The following LTF variants were observed in gnomAD, a reference collection of about 807,000 sequenced individuals.
LTF encodes the protein lactotransferrin.
A neutral mutation model predicts 87.2 loss-of-function variants in LTF; 91 were observed. That is an observed-to-expected ratio of 1.04 (90% CI 0.88 to 1.24). The LOEUF (loss-of-function observed/expected upper bound fraction) is 1.24, where lower values mean the gene tolerates loss of function less well. LTF is among the 50% of genes most tolerant of loss of function. The pLI is 0.00. For missense variants in LTF, 901 were observed against 904.3 expected, an observed-to-expected ratio of 1.00 and a Z score of 0.05; for synonymous variants, 378 against 356.1, an observed-to-expected ratio of 1.06 and a Z score of -0.69.
intron 1 of LTF, among the ~76,000 whole-genome samples, 189 bp from the exon 2 acceptor site, chr3:46,460,008 T>C (rs1284120979): frequency 6.6e-6 from 1 of 152,216 alleles, no homozygotes; most frequent in Non-Finnish European, 1.5e-5. Context: ...ATCTCTGCAT[T>C]GGCTAGAGGT....
At chr3:46,467,786 A>G (rs945884519), upstream of LTF, among the ~76,000 whole-genome samples, 4 of 151,700 alleles carry the variant, frequency 2.6e-5, no homozygotes, top group Non-Finnish European at 4.4e-5. Flanking sequence ...AAAGTGCTGG[A>G]ATTACAGGCA....
chr3:46,444,639 C>T (rs575518972), intron 12 of LTF, among the ~76,000 whole-genome samples: 116 of 152,310 alleles, frequency 7.6e-4, no homozygotes, highest in Admixed American at 4.4e-3. Flanking sequence ...CTGCCTGCCC[C>T]GGCCAGGATC....
At chr3:46,441,348 G>C in intron 14 of LTF, 68 bp downstream of exon 14, 1 of 1,279,686 alleles carries the variant, frequency 7.8e-7, no homozygotes, top group African/African-American at 1.5e-5. Context: ...AGGCAAATCT[G>C]AACACTAAGA....
chr3:46,441,354 T>C (rs1207698065), intron 14 of LTF, 62 bp downstream of exon 14: 6 of 1,333,060 alleles, frequency 4.5e-6, no homozygotes, highest in Non-Finnish European at 6.3e-6. Context: ...ATCTGAACAC[T>C]AAGATGTGTT....
intron 9 of LTF, among the ~76,000 whole-genome samples, chr3:46,447,733 G>A (rs1428433187): frequency 2.6e-5 from 4 of 152,170 alleles, no homozygotes; most frequent in African/African-American, 7.2e-5. Flanking sequence ...GATGGGAACA[G>A]CTGGCCTCAT....
chr3:46,470,107 C>T (rs1235944807), intron 2 of LTF, among the ~76,000 whole-genome samples: 1 of 152,260 alleles, frequency 6.6e-6, no homozygotes, highest in Non-Finnish European at 1.5e-5. Context: ...TGAGCTCATG[C>T]TTCCAGTCCC....
At chr3:46,439,253 G>A in intron 15 of LTF, 43 bp downstream of exon 15, 4 of 1,554,888 alleles carry the variant, frequency 2.6e-6, no homozygotes, top group Non-Finnish European at 3.5e-6. Context: ...CCTAACATGA[G>A]CCCACACAGC....
chr3:46,455,782 C>A lies in LTF; in HGVS notation c.499+14G>T. The A allele has an allele frequency of 6.4e-7, 1 of 1,550,758 alleles. No individual in the cohort carries two copies. Among genetic ancestry groups the A allele is most frequent in the South Asian group, 1.2e-5 (1 of 80,074 alleles). Reference sequence around the variant, plus strand: ...CCCTGCCTGAGGCCACTCACTATCCCCCAGCCATCTTACCTGCCTCAATGG... The same window carrying A: ...CCCTGCCTGAGGCCACTCACTATCCACCAGCCATCTTACCTGCCTCAATGG... On this transcript the variant is annotated intron_variant, in intron 4 of 16. Coordinates refer to ENST00000231751, the MANE Select transcript of LTF (RefSeq NM_002343.6).
chr3:46,465,925 G>A (rs1046172339), upstream of LTF, among the ~76,000 whole-genome samples: 1 of 152,198 alleles, frequency 6.6e-6, no homozygotes, highest in Non-Finnish European at 1.5e-5. Context: ...TATCCTGTGT[G>A]TATGGATGTG....
At chr3:46,482,409 G>A (rs1575330506) in intron 1 of LTF, among the ~76,000 whole-genome samples, 2 of 151,222 alleles carry the variant, frequency 1.3e-5, no homozygotes, top group South Asian at 2.1e-4. Flanking sequence ...GGTTGAGGCT[G>A]TAGTGAGCTG....
At chr3:46,450,440 C>G in intron 7 of LTF, 55 bp downstream of exon 7, 1 of 1,550,012 alleles carries the variant, frequency 6.5e-7, no homozygotes, top group East Asian at 2.4e-5. Flanking sequence ...AGTAAGAAAC[C>G]TTGCTCCCTG....
rs550705667 is a variant in LTF, at chr3:46,459,917, C to T, written c.44-98G>A. ...GTTTTCCAGACTCCTCCCTCTCTCT[C>T]GGCTGCCCTCCTTCCCTCTCCATTT... On this transcript the variant is annotated intron_variant, in intron 1 of 16. Coordinates refer to ENST00000231751, the MANE Select transcript of LTF (RefSeq NM_002343.6). The T allele has an allele frequency of 8.5e-5, 71 of 835,824 alleles. No homozygotes were observed. In the South Asian group the frequency reaches 1.3e-3, roughly 16 times the overall value. 51.8% of individuals were successfully genotyped at this position (835,824 alleles called of 1,614,324 possible). A position where few individuals can be genotyped will look rare whatever the true frequency, so the allele number is the denominator to read the frequency against.
chr3:46,462,099 T>C (rs951934619), intron 1 of LTF, among the ~76,000 whole-genome samples: 4 of 152,228 alleles, frequency 2.6e-5, no homozygotes, highest in Non-Finnish European at 4.4e-5. Flanking sequence ...TGGAAGCCTT[T>C]ATAGAACTAT....
intron 1 of LTF, 146 bp from the exon 2 acceptor site, chr3:46,459,965 C>G: frequency 1.9e-6 from 1 of 515,348 alleles, no homozygotes; most frequent in African/African-American, 2.0e-5. Context: ...CAGCCATTCT[C>G]CACAAGTGGA....
intron 3 of LTF, 121 bp from the exon 4 acceptor site, chr3:46,456,099 C>G (rs1481795415): frequency 1.5e-5 from 15 of 1,023,140 alleles, no homozygotes; most frequent in Admixed American, 1.4e-4. Flanking sequence ...TCACAGCTCA[C>G]GTGTGTCCTC....
At chr3:46,476,044 G>A (rs1362151634) in intron 1 of LTF, among the ~76,000 whole-genome samples, 2 of 151,984 alleles carry the variant, frequency 1.3e-5, no homozygotes, top group African/African-American at 2.4e-5. Flanking sequence ...GGTAATAATT[G>A]CTAGTATTAG....
upstream of LTF, among the ~76,000 whole-genome samples, chr3:46,467,666 C>A (rs1703234041): frequency 1.6e-5 from 2 of 124,694 alleles, no homozygotes; most frequent in South Asian, 2.5e-4. Flanking sequence ...TTTTTTTTTA[C>A]CGACAGGGTC....
chr3:46,448,770 G>A, intron 9 of LTF, 93 bp downstream of exon 9: 1 of 1,474,238 alleles, frequency 6.8e-7, no homozygotes, highest in Non-Finnish European at 9.2e-7. Flanking sequence ...GGCCCCCGTG[G>A]CCTCTTTGAC....
chr3:46,477,062 G>C (rs1210568335), intron 1 of LTF, among the ~76,000 whole-genome samples: 1 of 152,194 alleles, frequency 6.6e-6, no homozygotes, highest in Non-Finnish European at 1.5e-5. Flanking sequence ...ACTACGTTCT[G>C]CTTTAGAAAA....
Sources: allele counts gnomAD v4.1 joint callset (sites outside exome capture counted in the v4.1 genomes callset), GRCh38; gene constraint gnomAD v4.1.1; transcripts MANE v1.5; gene names NCBI Gene and HGNC (gene_info 2026-07-23, HGNC 2026-07-21).